Variants in ATRX observed in about 807,000 individuals in gnomAD.
ATRX encodes the protein chromatin remodeler ATRX.
In ATRX, 12 loss-of-function variants were observed where a neutral mutation model predicts 172.6. That is an observed-to-expected ratio of 0.07 (90% CI 0.04 to 0.11). The LOEUF (loss-of-function observed/expected upper bound fraction) is 0.11. Among genes scored for constraint, ATRX ranks in the 10% least tolerant of loss-of-function variants. The pLI is 1.00. For synonymous variants in ATRX, 674 were observed against 594.7 expected (o/e 1.13, Z -1.94); for missense variants, 1,368 against 1,767.4 (o/e 0.77, Z 4.05).
chrX:77,715,343 C>T (rs1263438220), intron 2 of ATRX, among the ~76,000 whole-genome samples: 1 of 111,743 alleles, frequency 8.9e-6, no homozygotes, highest in Non-Finnish European at 1.9e-5. Flanking sequence ...TACAAGAACA[C>T]GCTGCACAGG....
chrX:77,747,835 T>C (rs1557185808), intron 1 of ATRX, among the ~76,000 whole-genome samples: 1 of 111,965 alleles, frequency 8.9e-6, no homozygotes, highest in African/African-American at 3.2e-5. Flanking sequence ...AACTCTCACC[T>C]TATTTCCAAC....
intron 22 of ATRX, among the ~76,000 whole-genome samples, chrX:77,605,332 G>A (rs913950233): frequency 7.3e-4 from 81 of 111,328 alleles, no homozygotes; most frequent in African/African-American, 2.5e-3. Context: ...GGAGGCTGAG[G>A]CAGGAGAACT....
intron 2 of ATRX, 93 bp downstream of exon 2, chrX:77,717,038 T>C (rs1603267937): frequency 1.3e-6 from 1 of 747,014 alleles, no homozygotes; most frequent in Non-Finnish European, 2.0e-6. Flanking sequence ...TTTTAAAAGC[T>C]GCTCTCTGAA....
intron 15 of ATRX, among the ~76,000 whole-genome samples, chrX:77,644,839 T>C (rs1557112894): frequency 9.0e-6 from 1 of 111,229 alleles, no homozygotes; most frequent in Non-Finnish European, 1.9e-5. Context: ...CAACAATTAT[T>C]TGATGAAATA....
intron 1 of ATRX, among the ~76,000 whole-genome samples, chrX:77,724,322 G>C (rs782518730): frequency 9.5e-6 from 1 of 105,564 alleles, no homozygotes. Context: ...AAGTCCAACA[G>C]TGGAAAAAAA....
At chrX:77,751,620 G>A (rs2075302147) in intron 1 of ATRX, among the ~76,000 whole-genome samples, 1 of 111,983 alleles carries the variant, frequency 8.9e-6, no homozygotes, top group East Asian at 2.8e-4. Context: ...TATTGCCTAG[G>A]TTTTCTTCTA....
rs782320432 is a variant in ATRX at position 77,751,996 on chromosome X, C to T, written c.20+33986G>A. On this transcript the variant is annotated intron_variant, in intron 1 of 34. Transcript: ENST00000373344. ...TTTGCTTAGGATTGTTTTGGCTCTA[C>T]GTAGTTTTTCCTAGTTCTGTGAAGA... 1.5e-4 allele frequency among the ~76,000 whole-genome samples: 16 copies of T among 109,145 alleles called. No individual in the cohort carries two copies. In the South Asian group the frequency reaches 5.3e-3, roughly 36 times the overall value. 94.8% of individuals were successfully genotyped at this position (109,145 alleles called of 115,157 possible).
chrX:77,709,981 C>T (rs2073030195), intron 2 of ATRX, among the ~76,000 whole-genome samples: 1 of 111,488 alleles, frequency 9.0e-6, no homozygotes, highest in African/African-American at 3.3e-5. Context: ...CCCAGATTTG[C>T]TTTAACAAAT....
chrX:77,600,605 A>T (rs3027549), intron 22 of ATRX, 41 bp from the exon 23 acceptor site: 1 of 1,191,069 alleles, frequency 8.4e-7, no homozygotes, highest in Non-Finnish European at 1.1e-6. Flanking sequence ...AAAATTGTCT[A>T]TATCAACCAA....
intron 9 of ATRX, among the ~76,000 whole-genome samples, chrX:77,677,515 C>T (rs781842252): frequency 9.0e-6 from 1 of 111,369 alleles, no homozygotes; most frequent in Admixed American, 9.5e-5. Context: ...TACAACTGCA[C>T]TGAACTATAC....
intron 30 of ATRX, among the ~76,000 whole-genome samples, chrX:77,525,735 GGAT>G (rs2063359033): frequency 1.8e-5 from 2 of 111,798 alleles, no homozygotes; most frequent in Non-Finnish European, 3.8e-5. Flanking sequence ...AATTAAATAT[GGAT>G]GATACACACA....
At chrX:77,748,710 C>G (rs2075185838) in intron 1 of ATRX, among the ~76,000 whole-genome samples, 1 of 109,256 alleles carries the variant, frequency 9.2e-6, no homozygotes, top group Non-Finnish European at 1.9e-5. Flanking sequence ...CCTCAGCCTC[C>G]CAAGGAGCTG....
Position 77,557,004 on chromosome X carries a change from G to A in ATRX, c.6699+447C>T, listed in dbSNP as rs145205985. Among the ~76,000 whole-genome samples, 382 of 111,706 alleles carry A rather than the reference G, an allele frequency of 3.4e-3. 2 individuals are homozygous for A. The highest frequency in any genetic ancestry group is 0.012 in the African/African-American group (360 of 30,770). On this transcript the variant is annotated intron_variant, in intron 30 of 34. Coordinates refer to ENST00000373344, the MANE Select transcript of ATRX (RefSeq NM_000489.6). ...GATTGAGGGAGATAATCTGAACAAT[G>A]TCTTGTTTTTCTTAGTATTCTCTCA...
At chrX:77,598,109 A>G (rs1557084926) in intron 25 of ATRX, among the ~76,000 whole-genome samples, 1 of 112,123 alleles carries the variant, frequency 8.9e-6, no homozygotes, top group African/African-American at 3.2e-5. Flanking sequence ...GCCACAATAA[A>G]GAACAAAATC....
chrX:77,586,158 T>A (rs1010101407), intron 27 of ATRX, among the ~76,000 whole-genome samples: 1 of 112,484 alleles, frequency 8.9e-6, no homozygotes, highest in Admixed American at 9.4e-5. Context: ...ATTTTTTGTA[T>A]CACAAAGGAT....
At chrX:77,518,501 GA>G (rs1557039983) in intron 34 of ATRX, among the ~76,000 whole-genome samples, 2 of 111,817 alleles carry the variant, frequency 1.8e-5, no homozygotes. Context: ...GAAAGAAATG[GA>G]AGAGGGTACA....
At chrX:77,596,423 T>C (rs193022592) in intron 25 of ATRX, 1 of 87,273 alleles carries the variant, frequency 1.1e-5, no homozygotes, top group East Asian at 3.6e-4. Flanking sequence ...GGAGTTAATT[T>C]AGATGCAAAG....
chrX:77,708,698 A>C (rs1557158755), intron 2 of ATRX, among the ~76,000 whole-genome samples: 1 of 111,406 alleles, frequency 9.0e-6, no homozygotes. Context: ...TAAAAAACTC[A>C]AAACAAGAAA....
chrX:77,578,737 C>T (rs2065721197), intron 27 of ATRX, among the ~76,000 whole-genome samples: 1 of 112,362 alleles, frequency 8.9e-6, no homozygotes, highest in Non-Finnish European at 1.9e-5. Context: ...CAAAGAGAGG[C>T]TCTTCCTGTT....
Sources: allele counts gnomAD v4.1 joint callset (sites outside exome capture counted in the v4.1 genomes callset), GRCh38; gene constraint gnomAD v4.1.1; transcripts MANE v1.5; gene names NCBI Gene and HGNC (gene_info 2026-07-23, HGNC 2026-07-21).